RBFOX1: variants seen among roughly 807,000 people sequenced by gnomAD.
RBFOX1 encodes the protein RNA binding fox-1 homolog 1, also known as RNA binding protein fox-1 homolog 1.
RBFOX1 carries 8 observed loss-of-function variants against 57.7 expected under a neutral mutation model. That is an observed-to-expected ratio of 0.14 (90% confidence interval 0.08 to 0.25). The LOEUF (loss-of-function observed/expected upper bound fraction) is 0.25. RBFOX1 is among the 10% of genes least tolerant of loss of function. The probability of loss-of-function intolerance (pLI) is 1.00; values close to 1 mark genes in which losing one functional copy is unlikely to be tolerated. For synonymous variants in RBFOX1, 326 were observed against 222.4 expected (o/e 1.47, Z -4.15); for missense variants, 611 against 548.5 (o/e 1.11, Z -1.14).
intron 1 of RBFOX1, among the ~76,000 whole-genome samples, chr16:6,020,377 C>T (rs1216538996): frequency 6.6e-6 from 1 of 152,224 alleles, no homozygotes; most frequent in African/African-American, 2.4e-5. Flanking sequence ...ACTCAGCGCG[C>T]CCCCGGACCG....
intron 1 of RBFOX1, among the ~76,000 whole-genome samples, chr16:5,455,021 T>TCTCTC (rs2068584768): frequency 8.8e-6 from 1 of 113,126 alleles, no homozygotes; most frequent in African/African-American, 3.4e-5. Context: ...CTTTCTTTCT[T>TCTCTC]TCTCTCTCTC....
intron 3 of RBFOX1, among the ~76,000 whole-genome samples, chr16:6,883,815 A>G (rs1216800396): frequency 6.6e-6 from 1 of 150,622 alleles, no homozygotes; most frequent in Non-Finnish European, 1.5e-5. Context: ...TCTTTTCTCT[A>G]TTATTATCTC....
intron 14 of RBFOX1, among the ~76,000 whole-genome samples, chr16:7,690,259 C>G (rs996715659): frequency 6.6e-6 from 1 of 152,052 alleles, no homozygotes; most frequent in Non-Finnish European, 1.5e-5. Flanking sequence ...AAGGAGCAGC[C>G]AAGGTGAGGA....
chr16:5,591,828 A>G (rs1756689065), intron 2 of RBFOX1, among the ~76,000 whole-genome samples: 1 of 152,228 alleles, frequency 6.6e-6, no homozygotes, highest in Non-Finnish European at 1.5e-5. Flanking sequence ...GCTTCCATGA[A>G]TATCCTTGGC....
At chr16:5,303,563 G>A (rs1489404140) in intron 1 of RBFOX1, among the ~76,000 whole-genome samples, 1 of 152,112 alleles carries the variant, frequency 6.6e-6, no homozygotes, top group African/African-American at 2.4e-5. Flanking sequence ...CAGTGTTTTA[G>A]ATAAACTTCA....
At chr16:5,682,153 A>G (rs923854292) in intron 3 of RBFOX1, among the ~76,000 whole-genome samples, 3 of 152,180 alleles carry the variant, frequency 2.0e-5, no homozygotes, top group Non-Finnish European at 4.4e-5. Context: ...ACCAAAAGCT[A>G]TTAATGTAAA....
At chr16:7,239,639 C>T (rs150427759) in intron 4 of RBFOX1, among the ~76,000 whole-genome samples, 1 of 152,116 alleles carries the variant, frequency 6.6e-6, no homozygotes, top group African/African-American at 2.4e-5. Flanking sequence ...TTATTGCCCC[C>T]TGATAAGACC....
chr16:5,326,030 A>G (rs2064559512), intron 1 of RBFOX1, among the ~76,000 whole-genome samples: 1 of 152,158 alleles, frequency 6.6e-6, no homozygotes, highest in South Asian at 2.1e-4. Context: ...TAGCTTACAT[A>G]CTTATATAAG....
chr16:7,579,998 A>T (rs1405872710), intron 6 of RBFOX1, 78 bp downstream of exon 6: 3 of 1,488,676 alleles, frequency 2.0e-6, no homozygotes, highest in Non-Finnish European at 2.8e-6. Flanking sequence ...AGTTTGGGGT[A>T]TTTACAATAC....
intron 4 of RBFOX1, among the ~76,000 whole-genome samples, chr16:7,065,857 G>C (rs2055878684): frequency 6.6e-6 from 1 of 152,086 alleles, no homozygotes; most frequent in South Asian, 2.1e-4. Flanking sequence ...GCTTTTATGA[G>C]TTTAATTTTT....
chr16:7,318,849 G>T (rs116827121), intron 4 of RBFOX1, among the ~76,000 whole-genome samples: 6 of 152,092 alleles, frequency 3.9e-5, no homozygotes, highest in African/African-American at 1.2e-4. Flanking sequence ...CTGGCAGAGC[G>T]CAACATGAAA....
At chr16:7,532,957 T>G (rs1233535970) in intron 5 of RBFOX1, among the ~76,000 whole-genome samples, 1 of 152,252 alleles carries the variant, frequency 6.6e-6, no homozygotes, top group African/African-American at 2.4e-5. Flanking sequence ...GGACTCACAT[T>G]AATTAATTGC....
Position 6,108,844 on chromosome 16 carries a change from G to T in RBFOX1, c.-127+88852G>T, listed in dbSNP as rs2096412214. Among the ~76,000 whole-genome samples, 6 of 152,116 alleles carry T rather than the reference G, an allele frequency of 3.9e-5. No homozygotes were observed. The South Asian group carries it at 1.3e-3, about 32-fold the overall frequency. ...ACCTTTTCCTCTTCTGTACACGTCTGATCTCCCTCTGCTCTCTCTTATAGG... is the reference window on the plus strand; with the variant it reads ...ACCTTTTCCTCTTCTGTACACGTCTTATCTCCCTCTGCTCTCTCTTATAGG... On this transcript the variant is annotated intron_variant, in intron 1 of 15. Transcript: ENST00000550418.
chr16:6,502,205 A>G (rs2095955270), intron 2 of RBFOX1, among the ~76,000 whole-genome samples: 1 of 152,152 alleles, frequency 6.6e-6, no homozygotes, highest in African/African-American at 2.4e-5. Context: ...TATCTTTCTC[A>G]TGGGGAGCTA....
chr16:7,662,266 G>A (rs1054545740), intron 12 of RBFOX1, among the ~76,000 whole-genome samples: 1 of 152,132 alleles, frequency 6.6e-6, no homozygotes, highest in Non-Finnish European at 1.5e-5. Flanking sequence ...AAAATACATT[G>A]TTTACTTCTA....
intron 4 of RBFOX1, among the ~76,000 whole-genome samples, chr16:5,927,642 C>T (rs560122854): frequency 6.6e-6 from 1 of 152,208 alleles, no homozygotes; most frequent in Non-Finnish European, 1.5e-5. Flanking sequence ...GAGATATCTG[C>T]AGTCTCATGT....
chr16:7,021,972 C>G (rs1241756100), intron 3 of RBFOX1, among the ~76,000 whole-genome samples: 1 of 68,078 alleles, frequency 1.5e-5, no homozygotes, highest in Non-Finnish European at 2.7e-5. Flanking sequence ...CTCTCTCCCT[C>G]CCCTTCCCCC....
At chr16:6,894,965 C>G (rs1053857863) in intron 3 of RBFOX1, among the ~76,000 whole-genome samples, 1 of 152,148 alleles carries the variant, frequency 6.6e-6, no homozygotes. Context: ...GCAACATACA[C>G]CCTTCCAGAA....
intron 1 of RBFOX1, among the ~76,000 whole-genome samples, chr16:6,152,484 A>G (rs2096804538): frequency 6.6e-6 from 1 of 152,202 alleles, no homozygotes; most frequent in Admixed American, 6.5e-5. Context: ...CTGGCATGAG[A>G]TGAAAGTCAG....
Sources: gnomAD v4.1 joint callset for allele counts (sites outside exome capture counted in the v4.1 genomes callset) on GRCh38, gnomAD v4.1.1 for gene constraint, MANE v1.5 for transcripts, NCBI Gene and HGNC (gene_info 2026-07-23, HGNC 2026-07-21) for gene names.